NRXN1: variants seen among roughly 807,000 people sequenced by gnomAD.
The protein encoded by NRXN1 is neurexin-1.
In NRXN1, 39 loss-of-function variants were observed where a neutral mutation model predicts 150.9. That is an observed-to-expected ratio of 0.26 (90% CI 0.20 to 0.34). NRXN1 has a LOEUF of 0.34. NRXN1 is among the 10% of genes least tolerant of loss of function. NRXN1 has a pLI of 1.00. For synonymous variants in NRXN1, 924 were observed against 757.0 expected (o/e 1.22, Z -3.62); for missense variants, 1,815 against 1,949.9 (o/e 0.93, Z 1.30).
At chr2:50,443,822 T>TGGG in intron 17 of NRXN1, among the ~76,000 whole-genome samples, 2 of 152,196 alleles carry the variant, frequency 1.3e-5, no homozygotes, top group African/African-American at 4.8e-5. Flanking sequence ...TTCCAGACTT[T>TGGG]CAATATACAC....
At chr2:50,788,331 G>A (rs1004062732) in intron 5 of NRXN1, among the ~76,000 whole-genome samples, 7 of 151,906 alleles carry the variant, frequency 4.6e-5, no homozygotes, top group African/African-American at 1.4e-4. Context: ...CTCGTGATCC[G>A]CCGCCTCGGC....
chr2:50,896,079 T>C (rs1240635674), intron 5 of NRXN1, among the ~76,000 whole-genome samples: 8 of 152,110 alleles, frequency 5.3e-5, no homozygotes, highest in Non-Finnish European at 7.4e-5. Flanking sequence ...AAAATCAATA[T>C]AACACAGGCA....
At position 50,093,619 on chromosome 2, in the gene NRXN1, G is replaced by A. The variant is rs544190242; in HGVS notation, c.3547-2125C>T. Among the ~76,000 whole-genome samples, 41 of 152,186 alleles carry A rather than the reference G, an allele frequency of 2.7e-4. 1 individual carries two copies. The South Asian group carries it at 5.6e-3, about 21-fold the overall frequency. ...ACTGAACTCCTGCCTGGTTGACAGC[G>A]TAAGACCCTGTCTCAAAATAAATAA... is the stretch of plus-strand genomic sequence containing the variant. On this transcript the variant is annotated intron_variant, in intron 18 of 22. Coordinates refer to ENST00000401669, the MANE Select transcript of NRXN1 (RefSeq NM_001330078.2).
chr2:50,329,259 A>C (rs2076586074), intron 17 of NRXN1, among the ~76,000 whole-genome samples: 1 of 152,164 alleles, frequency 6.6e-6, no homozygotes, highest in South Asian at 2.1e-4. Flanking sequence ...AAGGTAATGA[A>C]CAGATAATTT....
chr2:50,423,798 C>A lies in NRXN1; in HGVS notation c.3364+41644G>T, dbSNP rs986300808. ...GAAAGAAAGAAATTTGAAAGGATTG[C>A]CAGATGTCAGGAAAGTGCTTACTAT... On this transcript the variant is annotated intron_variant, in intron 17 of 22. Transcript: ENST00000401669. Among the ~76,000 whole-genome samples the A allele has an allele frequency of 2.0e-5, 3 of 151,990 alleles. No homozygotes were observed. In the South Asian group the frequency reaches 6.2e-4, roughly 32 times the overall value.
At chr2:50,856,645 T>A (rs975961962) in intron 5 of NRXN1, among the ~76,000 whole-genome samples, 1 of 152,120 alleles carries the variant, frequency 6.6e-6, no homozygotes, top group African/African-American at 2.4e-5. Flanking sequence ...CAAATGTACA[T>A]CAAAACAGGT....
intron 21 of NRXN1, among the ~76,000 whole-genome samples, chr2:50,029,291 T>G (rs1201542681): frequency 1.3e-5 from 2 of 152,140 alleles, no homozygotes; most frequent in Non-Finnish European, 2.9e-5. Flanking sequence ...TGTATGTTGT[T>G]TAGAAGTCAC....
rs200643676 is a variant in NRXN1 at position 50,528,642 on chromosome 2, C to T, written c.2357G>A (p.Arg786Lys). 9 of 1,546,678 alleles carry T rather than the reference C, an allele frequency of 5.8e-6. No homozygotes were observed. The highest frequency in any genetic ancestry group is 8.0e-6 in the Non-Finnish European group (9 of 1,127,076). ...VKLTVNLDCI[R>K]INCNSSKGPE... ...GCACTTACTGGAATTACAGTTAATC[C>T]TGATACAATCTAGATGGGGAAGAAT... Residue 786 changes from arginine (R) to lysine (K), a missense_variant, in exon 12 of 23, where the codon AGG becomes AAG. By Grantham distance (26) the Arg-to-Lys change is conservative (BLOSUM62 2). Around this residue, in one of 6 missense-constraint regions of NRXN1, gnomAD observed 638 missense variants for 652.6 expected, o/e 0.98. Transcript: ENST00000401669.
At chr2:50,420,927 T>C (rs1384664783) in intron 17 of NRXN1, among the ~76,000 whole-genome samples, 1 of 151,074 alleles carries the variant, frequency 6.6e-6, no homozygotes, top group Non-Finnish European at 1.5e-5. Flanking sequence ...AGTAAACAGA[T>C]GCATCTGGTC....
intron 5 of NRXN1, among the ~76,000 whole-genome samples, chr2:50,726,409 G>A (rs1697368874): frequency 6.6e-6 from 1 of 152,164 alleles, no homozygotes; most frequent in Non-Finnish European, 1.5e-5. Context: ...CTACTTGGAG[G>A]CTGAGGCACA....
chr2:50,800,450 C>G (rs922160652), intron 5 of NRXN1, among the ~76,000 whole-genome samples: 1 of 152,160 alleles, frequency 6.6e-6, no homozygotes, highest in African/African-American at 2.4e-5. Flanking sequence ...GTTGTAGGAA[C>G]CATGGGTGTT....
intron 5 of NRXN1, among the ~76,000 whole-genome samples, chr2:50,838,586 T>C (rs1237717239): frequency 6.6e-6 from 1 of 152,120 alleles, no homozygotes; most frequent in Admixed American, 6.6e-5. Flanking sequence ...CAATCCAGTA[T>C]GACTGGCGTC....
intron 18 of NRXN1, among the ~76,000 whole-genome samples, chr2:50,107,093 C>T (rs569798103): frequency 6.6e-6 from 1 of 152,050 alleles, no homozygotes; most frequent in East Asian, 1.9e-4. Context: ...AGCTTGATGA[C>T]CACCTAAAAT....
chr2:50,940,051 C>T (rs1689168062), intron 2 of NRXN1, among the ~76,000 whole-genome samples: 2 of 152,104 alleles, frequency 1.3e-5, no homozygotes, highest in African/African-American at 4.8e-5. Flanking sequence ...TAGAACAGAC[C>T]TACGAAATAG....
At chr2:50,682,760 T>C (rs1690600865) in intron 5 of NRXN1, among the ~76,000 whole-genome samples, 1 of 152,102 alleles carries the variant, frequency 6.6e-6, no homozygotes, top group Non-Finnish European at 1.5e-5. Flanking sequence ...ACGTGTCACA[T>C]TCTAAAGTCT....
intron 5 of NRXN1, among the ~76,000 whole-genome samples, chr2:50,743,872 CA>C (rs1354089736): frequency 2.0e-5 from 3 of 152,080 alleles, no homozygotes; most frequent in African/African-American, 2.4e-5. Context: ...TGCTTTGTGA[CA>C]AAATGAAAAT....
chr2:50,775,711 T>C (rs1436211281), intron 5 of NRXN1, among the ~76,000 whole-genome samples: 1 of 152,164 alleles, frequency 6.6e-6, no homozygotes, highest in Non-Finnish European at 1.5e-5. Context: ...AATGAATAAA[T>C]TGAAAGGAAG....
chr2:50,712,751 G>A (rs896606307), intron 5 of NRXN1, among the ~76,000 whole-genome samples: 4 of 152,132 alleles, frequency 2.6e-5, no homozygotes, highest in African/African-American at 9.7e-5. Context: ...GAGCTTGGCA[G>A]CTTTGTGTCC....
At chr2:50,478,473 GTGTC>G (rs1464657820) in intron 15 of NRXN1, among the ~76,000 whole-genome samples, 10 of 152,172 alleles carry the variant, frequency 6.6e-5, no homozygotes, top group South Asian at 2.1e-4. Flanking sequence ...CACAAGATCT[GTGTC>G]TGTAATAAAT....
Sources: gnomAD v4.1 joint callset for allele counts (sites outside exome capture counted in the v4.1 genomes callset) on GRCh38, gnomAD v4.1.1 for gene constraint, gnomAD v4.1.1 regional missense constraint, MANE v1.5 for transcripts, NCBI Gene and HGNC (gene_info 2026-07-23, HGNC 2026-07-21) for gene names.